The following ZNF609 variants were observed in gnomAD, a reference collection of about 807,000 sequenced individuals.
ZNF609 encodes the protein zinc finger protein 609.
Under a neutral mutation model 109.5 loss-of-function variants are expected in ZNF609, and 11 were observed. That is an observed-to-expected ratio of 0.10 (90% CI 0.06 to 0.17). ZNF609 has a LOEUF of 0.17. Among genes scored for constraint, ZNF609 ranks in the 10% least tolerant of loss-of-function variants. The pLI is 1.00. For synonymous variants in ZNF609, 646 were observed against 662.0 expected (o/e 0.98, Z 0.37); for missense variants, 1,559 against 1,772.4 (o/e 0.88, Z 2.16).
intron 2 of ZNF609, among the ~76,000 whole-genome samples, chr15:64,567,918 C>T (rs1894803832): frequency 6.6e-6 from 1 of 152,076 alleles, no homozygotes; most frequent in South Asian, 2.1e-4. Flanking sequence ...ACCTCAGCCT[C>T]CCAAAGTGCT....
intron 3 of ZNF609, among the ~76,000 whole-genome samples, chr15:64,655,762 G>A (rs956789043): frequency 6.6e-6 from 1 of 152,110 alleles, no homozygotes; most frequent in South Asian, 2.1e-4. Flanking sequence ...CCCAGGGGAC[G>A]GGGTTGCAGT....
At chr15:64,638,909 A>T (rs560191953) in intron 3 of ZNF609, among the ~76,000 whole-genome samples, 145 of 152,184 alleles carry the variant, frequency 9.5e-4, no homozygotes, top group African/African-American at 2.1e-3. Flanking sequence ...TAAATAAAAT[A>T]AAATTAAATT....
intron 2 of ZNF609, among the ~76,000 whole-genome samples, chr15:64,577,545 GTA>G (rs1297179680): frequency 4.8e-5 from 2 of 41,926 alleles, no homozygotes; most frequent in East Asian, 7.1e-4. Context: ...ACATATATAT[GTA>G]TATATATACA....
intron 2 of ZNF609, among the ~76,000 whole-genome samples, chr15:64,554,109 A>G (rs111363263): frequency 1.2e-3 from 183 of 152,230 alleles, no homozygotes; most frequent in Non-Finnish European, 2.0e-3. Flanking sequence ...CTCTATTACT[A>G]TGCTCCATAG....
intron 1 of ZNF609, among the ~76,000 whole-genome samples, chr15:64,477,136 C>CTTTTTTTTTT (rs911785223): frequency 2.0e-4 from 21 of 105,784 alleles, no homozygotes; most frequent in African/African-American, 2.3e-4. Context: ...TCTTCTCTTT[C>CTTTTTTTTTT]TTTTTTTTTT....
In ZNF609 at chr15:64,675,071, G is replaced by T. The variant is rs769024773; in HGVS notation, c.2217G>T (p.Lys739Asn). The T allele has an allele frequency of 6.2e-7, 1 of 1,614,194 alleles. No individual in the cohort carries two copies. The highest frequency in any genetic ancestry group is 1.7e-5 in the Admixed American group (1 of 60,024). Residue 739 changes from lysine (K) to asparagine (N), a missense_variant, in exon 5 of 10, where the codon AAG becomes AAT. Physicochemically the swap from Lys to Asn is moderately conservative, Grantham distance 94. Transcript: ENST00000326648. ...ACAAAAAAAAGAAGGAATCTTCAAA[G>T]GAACTTGAAAGTCCTCTGACCCCTG... ...KKDKKKKESS[K>N]ELESPLTPGK...
At chr15:64,536,208 G>T (rs1218901047) in intron 2 of ZNF609, among the ~76,000 whole-genome samples, 3 of 152,094 alleles carry the variant, frequency 2.0e-5, no homozygotes, top group Non-Finnish European at 4.4e-5. Context: ...TGTTTGTGGA[G>T]ACAGGGTCTT....
intron 1 of ZNF609, among the ~76,000 whole-genome samples, chr15:64,466,183 A>C (rs1893012490): frequency 6.6e-6 from 1 of 150,898 alleles, no homozygotes; most frequent in Admixed American, 6.6e-5. Flanking sequence ...GGAAAAGACT[A>C]TTTGAGGTTT....
intron 2 of ZNF609, among the ~76,000 whole-genome samples, chr15:64,538,727 G>A (rs992988834): frequency 6.6e-6 from 1 of 151,598 alleles, no homozygotes; most frequent in Non-Finnish European, 1.5e-5. Flanking sequence ...TGTATTTTTA[G>A]TAGAGACGGG....
chr15:64,586,013 T>C (rs1895189216), intron 2 of ZNF609, among the ~76,000 whole-genome samples: 1 of 152,044 alleles, frequency 6.6e-6, no homozygotes, highest in Admixed American at 6.6e-5. Flanking sequence ...ACCTGGCTAA[T>C]TGTTATTTTT....
intron 2 of ZNF609, among the ~76,000 whole-genome samples, chr15:64,518,465 T>C (rs1311928207): frequency 6.6e-6 from 1 of 152,200 alleles, no homozygotes; most frequent in African/African-American, 2.4e-5. Context: ...GGTCAGATAG[T>C]AGAAGGCCTT....
At chr15:64,670,596 T>C (rs1896711170) in intron 4 of ZNF609, among the ~76,000 whole-genome samples, 163 bp downstream of exon 4, 1 of 152,164 alleles carries the variant, frequency 6.6e-6, no homozygotes, top group South Asian at 2.1e-4. Flanking sequence ...GAAGACTGAA[T>C]GGCCAGGCGC....
At chr15:64,610,590 G>A (rs1895700715) in intron 2 of ZNF609, among the ~76,000 whole-genome samples, 1 of 152,166 alleles carries the variant, frequency 6.6e-6, no homozygotes, top group African/African-American at 2.4e-5. Context: ...CAAGGCCATA[G>A]TGAGCAATGA....
At position 64,646,666 on chromosome 15, in the gene ZNF609, C is replaced by T. The variant is rs1428434518; in HGVS notation, c.973+23614C>T. Among the ~76,000 whole-genome samples the T allele has an allele frequency of 3.3e-4, 44 of 132,936 alleles. 1 individual carries two copies. The highest frequency in any genetic ancestry group is 3.0e-5 in the African/African-American group (1 of 33,692). 87.2% of individuals were successfully genotyped at this position (132,936 alleles called of 152,430 possible). On this transcript the variant is annotated intron_variant, in intron 3 of 9. Transcript: ENST00000326648. ...AAAAAAAAAAAAAAAAAACTGGGCA[C>T]GGTGGCTCACGCCTGTAATCCTAGC...
At chr15:64,557,626 C>T (rs1204015174) in intron 2 of ZNF609, among the ~76,000 whole-genome samples, 2 of 152,078 alleles carry the variant, frequency 1.3e-5, no homozygotes, top group African/African-American at 2.4e-5. Context: ...ACTTTTTGAT[C>T]AGGGTAGTGT....
chr15:64,680,395 A>G lies in ZNF609; in HGVS notation c.3945+35A>G, dbSNP rs151216293. 3.3e-4 allele frequency: 526 copies of G among 1,607,446 alleles called. 2 individuals carry two copies. The African/African-American group carries it at 5.7e-3, about 17-fold the overall frequency. The stretch of plus-strand genomic sequence containing the variant: ...GTACAGTGATGCTGGCTGTTACCCA[A>G]AGACTAGTAAGGCCAGATCCAGGGT... On this transcript the variant is annotated intron_variant, in intron 7 of 9. Coordinates refer to ENST00000326648, the MANE Select transcript of ZNF609 (RefSeq NM_015042.2).
At chr15:64,473,488 C>A (rs542384572) in intron 1 of ZNF609, among the ~76,000 whole-genome samples, 1 of 151,726 alleles carries the variant, frequency 6.6e-6, no homozygotes, top group Non-Finnish European at 1.5e-5. Flanking sequence ...TGAGCCACCG[C>A]GCCTGGCCTC....
chr15:64,660,361 A>G (rs1896555997), intron 3 of ZNF609, among the ~76,000 whole-genome samples: 1 of 152,166 alleles, frequency 6.6e-6, no homozygotes, highest in Admixed American at 6.5e-5. Flanking sequence ...CTGTTCCTCA[A>G]GGTGCAGACG....
intron 2 of ZNF609, among the ~76,000 whole-genome samples, chr15:64,570,379 G>A (rs1894841893): frequency 1.3e-5 from 2 of 152,124 alleles, no homozygotes; most frequent in Non-Finnish European, 2.9e-5. Flanking sequence ...AGATGGTTAA[G>A]CATAAATATG....
Sources: allele counts gnomAD v4.1 joint callset (sites outside exome capture counted in the v4.1 genomes callset), GRCh38; gene constraint gnomAD v4.1.1; transcripts MANE v1.5; gene names NCBI Gene and HGNC (gene_info 2026-07-23, HGNC 2026-07-21).